Variants in ACTR3C observed in about 807,000 individuals in gnomAD.
ACTR3C encodes actin-related protein 3C.
In ACTR3C, 18 loss-of-function variants were observed where a neutral mutation model predicts 26.3. That is an observed-to-expected ratio of 0.68 (90% CI 0.47 to 1.01). The LOEUF (loss-of-function observed/expected upper bound fraction) is 1.01, where lower values mean the gene tolerates loss of function less well. Among genes scored for constraint, ACTR3C ranks in the 50% least tolerant of loss-of-function variants. The pLI is 0.00. For missense variants in ACTR3C, 184 were observed against 250.7 expected (o/e 0.73, Z 1.80); for synonymous variants, 55 against 94.5 (o/e 0.58, Z 2.42).
chr7:150,227,929 AG>A, the ACTR3C span, among the ~76,000 whole-genome samples: 1 of 151,982 alleles, frequency 6.6e-6, no homozygotes, highest in Non-Finnish European at 1.5e-5. Context: ...TGGTAATAAA[AG>A]GGCTCAACTT....
the ACTR3C span, among the ~76,000 whole-genome samples, chr7:150,193,408 CTTTTT>C: frequency 1.5e-5 from 2 of 133,472 alleles, no homozygotes; most frequent in African/African-American, 5.5e-5. Flanking sequence ...TTTTTATTTT[CTTTTT>C]TTTTTTTTGT....
the ACTR3C span, among the ~76,000 whole-genome samples, chr7:149,889,807 G>A: frequency 0.012 from 1,832 of 152,246 alleles, 13 homozygotes; most frequent in Middle Eastern, 0.068. Flanking sequence ...CAGTGAGCTA[G>A]GATTGTGCCA....
chr7:150,010,167 C>T, the ACTR3C span, among the ~76,000 whole-genome samples: 3 of 152,216 alleles, frequency 2.0e-5, no homozygotes, highest in African/African-American at 2.4e-5. Flanking sequence ...CAGCCTCATT[C>T]GAGCTGTTCC....
the ACTR3C span, among the ~76,000 whole-genome samples, chr7:150,083,119 G>A: frequency 6.7e-6 from 1 of 150,084 alleles, no homozygotes; most frequent in Non-Finnish European, 1.5e-5. Context: ...CTAAGTTTTT[G>A]AATTTTCTTT....
chr7:150,170,248 G>A, the ACTR3C span, among the ~76,000 whole-genome samples: 378 of 150,630 alleles, frequency 2.5e-3, 21 homozygotes, highest in Middle Eastern at 6.8e-3. Flanking sequence ...CATGGCAGCC[G>A]GCTTCCCTCA....
intron 3 of ACTR3C, among the ~76,000 whole-genome samples, chr7:150,290,249 T>C (rs1414771770): frequency 1.3e-5 from 2 of 152,160 alleles, no homozygotes. Context: ...TGAAGGCATG[T>C]CTGTGAGGGG....
chr7:150,292,551 G>A (rs1031568973), intron 3 of ACTR3C, among the ~76,000 whole-genome samples: 20 of 148,506 alleles, frequency 1.3e-4, no homozygotes, highest in Non-Finnish European at 2.1e-4. Context: ...GCCCAGCTGG[G>A]GTGCAATGGC....
the ACTR3C span, among the ~76,000 whole-genome samples, chr7:150,168,525 T>G: frequency 1.3e-5 from 2 of 150,878 alleles, no homozygotes; most frequent in South Asian, 4.1e-4. Flanking sequence ...TATATTACAA[T>G]GTAATAATAA....
At chr7:150,213,515 T>C in the ACTR3C span, among the ~76,000 whole-genome samples, 2 of 151,708 alleles carry the variant, frequency 1.3e-5, no homozygotes, top group African/African-American at 2.4e-5. Context: ...AGAAAGGGAA[T>C]CAGTGCTAAA....
the ACTR3C span, among the ~76,000 whole-genome samples, chr7:150,102,057 A>G: frequency 6.6e-5 from 10 of 151,206 alleles, no homozygotes; most frequent in Admixed American, 1.3e-4. Flanking sequence ...TCTCATTACA[A>G]GTGAGTGTTT....
the ACTR3C span, among the ~76,000 whole-genome samples, chr7:149,884,039 C>T: frequency 4.4e-3 from 673 of 152,256 alleles, 6 homozygotes; most frequent in African/African-American, 0.015. Context: ...ATAGGGTCCA[C>T]GCTCCCTGCA....
the ACTR3C span, among the ~76,000 whole-genome samples, chr7:150,157,768 G>A: frequency 6.6e-6 from 1 of 152,190 alleles, no homozygotes; most frequent in Non-Finnish European, 1.5e-5. Context: ...ACTATGAACT[G>A]CTTGAGGGAA....
the ACTR3C span, among the ~76,000 whole-genome samples, chr7:149,887,340 A>C: frequency 3.3e-5 from 5 of 152,232 alleles, no homozygotes; most frequent in African/African-American, 1.2e-4. Flanking sequence ...AAGGAAAGCA[A>C]ATTCAAACAG....
At chr7:150,256,284 C>T (rs1407063507) in intron 6 of ACTR3C, among the ~76,000 whole-genome samples, 1 of 152,260 alleles carries the variant, frequency 6.6e-6, no homozygotes, top group Non-Finnish European at 1.5e-5. Flanking sequence ...TTTGGGTATA[C>T]ACCCAGTAAT....
At chr7:149,957,123 C>A in the ACTR3C span, among the ~76,000 whole-genome samples, 1 of 152,140 alleles carries the variant, frequency 6.6e-6, no homozygotes, top group Non-Finnish European at 1.5e-5. Context: ...GAATCATGGG[C>A]ATGAAGTGGG....
the ACTR3C span, among the ~76,000 whole-genome samples, chr7:150,034,794 G>C: frequency 6.6e-6 from 1 of 150,858 alleles, no homozygotes; most frequent in South Asian, 2.1e-4. Flanking sequence ...AGAGGGTCTG[G>C]CTCTCAGTCC....
the ACTR3C span, among the ~76,000 whole-genome samples, chr7:150,038,266 T>C: frequency 6.9e-6 from 1 of 144,738 alleles, no homozygotes; most frequent in Non-Finnish European, 1.5e-5. Context: ...TTAGCAACCC[T>C]GTCTAGTTGT....
At chr7:150,016,301 T>C in the ACTR3C span, among the ~76,000 whole-genome samples, 1 of 152,118 alleles carries the variant, frequency 6.6e-6, no homozygotes, top group Non-Finnish European at 1.5e-5. Flanking sequence ...ATTTGCAAAA[T>C]TTCCAAGATC....
rs35767189 is a variant in ACTR3C at position 150,316,483 on chromosome 7, A to AT, written c.-52+6985dup. 6.5e-3 allele frequency among the ~76,000 whole-genome samples: 520 copies of AT among 80,432 alleles called. 2 individuals are homozygous for AT. The highest frequency in any genetic ancestry group is 0.026 in the Middle Eastern group (4 of 152). 52.8% of individuals were successfully genotyped at this position (80,432 alleles called of 152,430 possible). ...TCCATCTGAACTTTAGAATCTGGTTATTTTTTTTTTTTTTTTTTTTTTTGA... is the reference window on the plus strand; with the variant it reads ...TCCATCTGAACTTTAGAATCTGGTTATTTTTTTTTTTTTTTTTTTTTTTTGA... On this transcript the variant is annotated intron_variant, in intron 1 of 7. Coordinates refer to ENST00000683684, the MANE Select transcript of ACTR3C (RefSeq NM_001164458.2).
Sources: gnomAD v4.1 joint callset for allele counts (sites outside exome capture counted in the v4.1 genomes callset) on GRCh38, gnomAD v4.1.1 for gene constraint, MANE v1.5 for transcripts, NCBI Gene and HGNC (gene_info 2026-07-23, HGNC 2026-07-21) for gene names.